The following ZNF560 variants were observed in gnomAD, a reference collection of about 807,000 sequenced individuals.
The protein encoded by ZNF560 is zinc finger protein 560.
Under a neutral mutation model 81.8 loss-of-function variants are expected in ZNF560, and 54 were observed. That is an observed-to-expected ratio of 0.66 (90% confidence interval 0.53 to 0.83). The LOEUF (loss-of-function observed/expected upper bound fraction) is 0.83, where lower values mean the gene tolerates loss of function less well. Ranked by LOEUF, ZNF560 falls within the 40% of genes least tolerant of loss-of-function variation. ZNF560 has a pLI of 0.00. For missense variants in ZNF560, 940 were observed against 932.4 expected (o/e 1.01, Z -0.11); for synonymous variants, 321 against 317.9 (o/e 1.01, Z -0.10).
chr19:9,449,996 A>AAAAAC, the ZNF560 span, among the ~76,000 whole-genome samples: 267 of 115,752 alleles, frequency 2.3e-3, 2 homozygotes, highest in Middle Eastern at 7.6e-3. Context: ...AAAAAAAAAA[A>AAAAAC]AACAACTGAA....
chr19:9,465,591 A>G (rs1221337207), downstream of ZNF560, among the ~76,000 whole-genome samples: 1 of 152,194 alleles, frequency 6.6e-6, no homozygotes, highest in African/African-American at 2.4e-5. Flanking sequence ...ACAGGGACAA[A>G]TGAGCACTTT....
At chr19:9,506,414 GTTTTT>G in the ZNF560 span, among the ~76,000 whole-genome samples, 7 of 138,556 alleles carry the variant, frequency 5.1e-5, no homozygotes, top group African/African-American at 1.9e-4. Flanking sequence ...CGCTTCTGTT[GTTTTT>G]TTTTTTTTTG....
At chr19:9,483,734 C>A (rs1434455272) in intron 2 of ZNF560, among the ~76,000 whole-genome samples, 2 of 151,846 alleles carry the variant, frequency 1.3e-5, no homozygotes, top group African/African-American at 4.8e-5. Context: ...CTCTGCCCGG[C>A]TGCCCCTTCT....
chr19:9,488,085 C>T (rs779145382), intron 2 of ZNF560, among the ~76,000 whole-genome samples: 12 of 151,034 alleles, frequency 7.9e-5, no homozygotes, highest in African/African-American at 2.9e-4. Flanking sequence ...TAGATTAATG[C>T]TACCAGGCAG....
In ZNF560 at chr19:9,469,688, A is replaced by C. The variant is rs1250277684; in HGVS notation, c.471T>G (p.Ser157Arg). ...CCTCTTCCTCCAGCCAAGAGATCAG[A>C]CTGGGTTTGAAGAGCTGGTAACCTG... ...SSVGYQLFKP[S>R]LISWLEEEEE... Residue 157 changes from serine (S) to arginine (R), a missense_variant, in exon 8 of 10, where the codon AGT (serine) becomes AGG (arginine). Physicochemically the swap from Ser to Arg is moderately radical, Grantham distance 110. Coordinates refer to ENST00000301480, the MANE Select transcript of ZNF560 (RefSeq NM_152476.3). The C allele has an allele frequency of 6.2e-7, 1 of 1,614,084 alleles. No homozygotes were observed. Among genetic ancestry groups the C allele is most frequent in the Non-Finnish European group, 8.5e-7 (1 of 1,180,048 alleles).
At chr19:9,449,034 A>G in the ZNF560 span, among the ~76,000 whole-genome samples, 3 of 152,206 alleles carry the variant, frequency 2.0e-5, no homozygotes, top group African/African-American at 4.8e-5. Flanking sequence ...TAGACCTACA[A>G]ACAGACAGCC....
At position 9,470,481 on chromosome 19, in the gene ZNF560, G is replaced by T; in HGVS notation, c.359C>A (p.Thr120Asn). 6.2e-7 allele frequency: 1 copy of T among 1,614,156 alleles called. No individual in the cohort carries two copies. Among genetic ancestry groups the T allele is most frequent in the Non-Finnish European group, 8.5e-7 (1 of 1,180,032 alleles). ...VTFDSVAVEF[T>N]QEEWTLLDPA... ...GTCCAGTAAAGTCCACTCTTCCTGG[G>T]TGAACTCCACAGCCACACTGTCAAA... Residue 120 changes from threonine (T) to asparagine (N), a missense_variant, in exon 7 of 10, where the codon ACC becomes AAC. By Grantham distance (65) the Thr-to-Asn change is moderately conservative. Coordinates refer to ENST00000301480, the MANE Select transcript of ZNF560 (RefSeq NM_152476.3).
chr19:9,501,155 GC>G (rs1200143782), upstream of ZNF560, among the ~76,000 whole-genome samples: 2 of 135,694 alleles, frequency 1.5e-5, no homozygotes, highest in Admixed American at 7.4e-5. Flanking sequence ...TTTCTCTTTA[GC>G]TTTTTTTTTT....
chr19:9,463,873 G>A (rs2072973934), downstream of ZNF560, among the ~76,000 whole-genome samples: 1 of 152,120 alleles, frequency 6.6e-6, no homozygotes, highest in South Asian at 2.1e-4. Flanking sequence ...TGTAGAGATA[G>A]GGTTTTGCCA....
chr19:9,446,849 A>G, the ZNF560 span, among the ~76,000 whole-genome samples: 1 of 152,174 alleles, frequency 6.6e-6, no homozygotes, highest in East Asian at 1.9e-4. Context: ...TCAGTGACTA[A>G]AAAATAGCAG....
At chr19:9,474,171 A>G in intron 4 of ZNF560, 28 bp downstream of exon 4, 3 of 1,613,656 alleles carry the variant, frequency 1.9e-6, no homozygotes, top group Non-Finnish European at 2.5e-6. Context: ...CTTCCCTAAG[A>G]GGCTGCATAA....
intron 3 of ZNF560, among the ~76,000 whole-genome samples, 199 bp from the exon 4 acceptor site, chr19:9,474,524 A>G (rs1357345652): frequency 1.3e-5 from 2 of 152,196 alleles, no homozygotes; most frequent in African/African-American, 2.4e-5. Context: ...TTCCAGTTGT[A>G]TGGCTTTAAT....
upstream of ZNF560, among the ~76,000 whole-genome samples, chr19:9,503,128 A>G (rs1356255649): frequency 2.0e-5 from 3 of 152,020 alleles, no homozygotes; most frequent in Non-Finnish European, 2.9e-5. Flanking sequence ...GGCCAAGGTG[A>G]GAAGATTGCT....
At chr19:9,480,740 G>C (rs2073274771) in intron 2 of ZNF560, among the ~76,000 whole-genome samples, 1 of 151,942 alleles carries the variant, frequency 6.6e-6, no homozygotes, top group Admixed American at 6.6e-5. Flanking sequence ...AGGAGTTCAA[G>C]GCCAGCCTGA....
At chr19:9,489,647 T>C (rs1248383077) in intron 2 of ZNF560, among the ~76,000 whole-genome samples, 1 of 151,996 alleles carries the variant, frequency 6.6e-6, no homozygotes. Context: ...TGGAGTGCAG[T>C]GGCGTGACCT....
At chr19:9,477,777 T>C (rs1047906446) in intron 2 of ZNF560, among the ~76,000 whole-genome samples, 1 of 151,546 alleles carries the variant, frequency 6.6e-6, no homozygotes, top group African/African-American at 2.4e-5. Context: ...ACAAATCAAA[T>C]GAAAAACGCA....
chr19:9,452,653 GA>G, the ZNF560 span, among the ~76,000 whole-genome samples: 5 of 152,210 alleles, frequency 3.3e-5, no homozygotes, highest in Non-Finnish European at 1.5e-5. Context: ...CACAGGAACA[GA>G]AACCTAAATA....
chr19:9,490,574 C>T (rs1174569134), intron 2 of ZNF560, among the ~76,000 whole-genome samples: 6 of 152,210 alleles, frequency 3.9e-5, no homozygotes, highest in Non-Finnish European at 8.8e-5. Flanking sequence ...GTGGGCCACA[C>T]AGTCTCTGTT....
intron 2 of ZNF560, among the ~76,000 whole-genome samples, chr19:9,492,316 A>G (rs1036762897): frequency 6.6e-6 from 1 of 152,114 alleles, no homozygotes; most frequent in South Asian, 2.1e-4. Flanking sequence ...AAGGTGACTA[A>G]GATTCATCTT....
Sources: gnomAD v4.1 joint callset for allele counts (sites outside exome capture counted in the v4.1 genomes callset) on GRCh38, gnomAD v4.1.1 for gene constraint, MANE v1.5 for transcripts, NCBI Gene and HGNC (gene_info 2026-07-23, HGNC 2026-07-21) for gene names.